KLF14: variants seen among roughly 807,000 people sequenced by gnomAD.
KLF14 encodes Krueppel-like factor 14.
A neutral mutation model predicts 16.2 loss-of-function variants in KLF14; 13 were observed. The ratio of observed to expected loss-of-function variants is 0.80; its 90% confidence interval spans 0.52 to 1.28. KLF14 has a LOEUF of 1.28. Among genes scored for constraint, KLF14 ranks in the 50% most tolerant of loss-of-function variants. The pLI, the probability that KLF14 is intolerant of heterozygous loss-of-function variation, is 0.00. For missense variants in KLF14, 571 were observed against 493.4 expected (o/e 1.16, Z -1.49); for synonymous variants, 276 against 233.7 (o/e 1.18, Z -1.65).
chr7:130,734,149 TCGCCGCCTGC>T lies in KLF14; in HGVS notation c.-126_-117del. The T allele has an allele frequency of 1.8e-6, 1 of 549,270 alleles. No homozygotes were observed. Among genetic ancestry groups the T allele is most frequent in the Non-Finnish European group, 2.4e-6 (1 of 413,664 alleles). The allele number at this position is 549,270 out of a possible 1,614,324, so 34.0% of individuals were successfully genotyped here. ...GAGCGAGAAGCAGGAGGCCGGGTGC[TCGCCGCCTGC>T]CGCCTGCTGCCGCCGCCGCCGCCGC... On this transcript the variant is annotated 5_prime_UTR_variant, in exon 1 of 1. Transcript: ENST00000583337. The surrounding 1 kb of genome is among the most constrained non-coding windows in gnomAD (Gnocchi z 4.4).
Position 130,733,884 on chromosome 7 carries a change from G to A in KLF14, c.150C>T (p.Ser50=), listed in dbSNP as rs782515154. 4.1e-4 allele frequency: 552 copies of A among 1,330,960 alleles called. 4 individuals carry two copies. The South Asian group carries it at 4.2e-3, about 10-fold the overall frequency. 82.4% of individuals were successfully genotyped at this position (1,330,960 alleles called of 1,614,324 possible). ...GSEVGAAPPE[S]ALPGPGPPGP... The stretch of plus-strand genomic sequence containing the variant: ...CCGGTGGCCCCGGACCCGGCAGAGC[G>A]GACTCCGGCGGCGCCGCACCCACCT... Residue 50 remains serine, a synonymous_variant, in exon 1 of 1, where the codon TCC becomes TCT. Transcript: ENST00000583337. The surrounding 1 kb of genome is among the most constrained non-coding windows in gnomAD (Gnocchi z 5.2).
chr7:130,734,162 C>T lies in KLF14; in HGVS notation c.-129G>A. On this transcript the variant is annotated 5_prime_UTR_variant, in exon 1 of 1. Coordinates refer to ENST00000583337, the MANE Select transcript of KLF14 (RefSeq NM_138693.4). The surrounding 1 kb of genome is among the most constrained non-coding windows in gnomAD (Gnocchi z 4.4). ...GAGGCCGGGTGCTCGCCGCCTGCCG[C>T]CTGCTGCCGCCGCCGCCGCCGCAGC... 2.5e-6 allele frequency: 1 copy of T among 395,396 alleles called. No individual in the cohort carries two copies. Among genetic ancestry groups the T allele is most frequent in the Non-Finnish European group, 3.5e-6 (1 of 283,748 alleles). 24.5% of individuals were successfully genotyped at this position (395,396 alleles called of 1,614,324 possible). A position where few individuals can be genotyped will look rare whatever the true frequency, so the allele number is the denominator to read the frequency against.
rs1293701678 is a variant in KLF14 at position 130,731,848 on chromosome 7, G to A, written c.*1214C>T. On this transcript the variant is annotated 3_prime_UTR_variant, in exon 1 of 1. Coordinates refer to ENST00000583337, the MANE Select transcript of KLF14 (RefSeq NM_138693.4). Reference sequence around the variant, plus strand: ...TTCTTATCGGGAAAGGGGCCCTGAGGATATAACTTGGAGGGACTATATGGT... The same window carrying A: ...TTCTTATCGGGAAAGGGGCCCTGAGAATATAACTTGGAGGGACTATATGGT... The A allele has an allele frequency of 1.3e-5, 2 of 152,162 alleles. No individual in the cohort carries two copies. Among genetic ancestry groups the A allele is most frequent in the Non-Finnish European group, 2.9e-5 (2 of 68,036 alleles). The allele number at this position is 152,162 out of a possible 1,614,324, so 9.4% of individuals were successfully genotyped here.
chr7:130,733,624 G>A lies in KLF14; in HGVS notation c.410C>T (p.Ala137Val), dbSNP rs1052511554. Reference sequence around the variant, plus strand: ...GGAGGAGCTCTCGGGAGCGCAGACCGCCGCGGCGCCGGAGGCGGGAGCCAG... The same window carrying A: ...GGAGGAGCTCTCGGGAGCGCAGACCACCGCGGCGCCGGAGGCGGGAGCCAG... ...SELAPASGAAAVCAPESSSDA... is the reference protein window; with the variant it reads ...SELAPASGAAVVCAPESSSDA... The change falls in exon 1 of 1, where the codon GCG (alanine) becomes GTG (valine). Residue 137 changes from alanine to valine, a missense_variant. Coordinates refer to ENST00000583337, the MANE Select transcript of KLF14 (RefSeq NM_138693.4). This position sits in a 1 kb window ranked among gnomAD's most constrained non-coding sequence, Gnocchi z 5.2. The A allele has an allele frequency of 5.0e-5, 77 of 1,538,962 alleles. No homozygotes were observed. Among genetic ancestry groups the A allele is most frequent in the Non-Finnish European group, 6.4e-5 (73 of 1,144,990 alleles).
chr7:130,733,319 A>G lies in KLF14; in HGVS notation c.715T>C (p.Ser239Pro), dbSNP rs1370159065. 5 of 1,608,762 alleles carry G rather than the reference A, an allele frequency of 3.1e-6. No homozygotes were observed. The highest frequency in any genetic ancestry group is 4.2e-6 in the Non-Finnish European group (5 of 1,178,448). ...WLDCDKKFTR[S>P]DELARHYRTH... ...CTGTAGTGGCGGGCCAGCTCGTCGG[A>G]ACGCGTAAACTTCTTGTCGCAGTCG... The change falls in exon 1 of 1, where the codon TCC becomes CCC. Residue 239 changes from serine (S) to proline (P), a missense_variant. Transcript: ENST00000583337. This position sits in a 1 kb window ranked among gnomAD's most constrained non-coding sequence, Gnocchi z 5.2.
rs1797189919 is a variant in KLF14 at position 130,731,715 on chromosome 7, G to A, written c.*1347C>T. 6.6e-6 allele frequency: 1 copy of A among 152,194 alleles called. No homozygotes were observed. Among genetic ancestry groups the A allele is most frequent in the African/African-American group, 2.4e-5 (1 of 41,400 alleles). 9.4% of individuals were successfully genotyped at this position (152,194 alleles called of 1,614,324 possible). ...CTTTCAGCCTCATCTCTAAAGAAAGGGTCACATATATACACATTCATACAT... is the reference window on the plus strand; with the variant it reads ...CTTTCAGCCTCATCTCTAAAGAAAGAGTCACATATATACACATTCATACAT... On this transcript the variant is annotated 3_prime_UTR_variant, in exon 1 of 1. Transcript: ENST00000583337.
Position 130,733,951 on chromosome 7 carries a change from C to T in KLF14, c.83G>A (p.Arg28His). Residue 28 changes from arginine (R) to histidine (H), a missense_variant, in exon 1 of 1, where the codon CGC becomes CAC. Arg to His is a conservative substitution (Grantham distance 29). Transcript: ENST00000583337. This position sits in a 1 kb window ranked among gnomAD's most constrained non-coding sequence, Gnocchi z 5.2. ...ACCCGCGCCCTCGGGGTCCGGCGGG[C>T]GGCGGTGAACCACGGCGCCCGCGGA... ...SMSAGAVVHR[R>H]PPDPEGAGGA... 1.5e-6 allele frequency: 2 copies of T among 1,365,924 alleles called. No individual in the cohort carries two copies. The highest frequency in any genetic ancestry group is 1.9e-6 in the Non-Finnish European group (2 of 1,055,748). The allele number at this position is 1,365,924 out of a possible 1,614,324, so 84.6% of individuals were successfully genotyped here.
rs782130822 is a variant in KLF14 at position 130,730,767 on chromosome 7, T to C, written c.*2295A>G. Among the ~76,000 whole-genome samples the C allele has an allele frequency of 6.6e-6, 1 of 152,212 alleles. No individual in the cohort carries two copies. The highest frequency in any genetic ancestry group is 1.5e-5 in the Non-Finnish European group (1 of 68,032). ...AAAAGCCAAGCTTTCTTGAAACCAA[T>C]TTCAGAATGGTTAGTGGAAATTCCT... On this transcript the variant is annotated 3_prime_UTR_variant, in exon 1 of 1. Transcript: ENST00000583337.
rs567528666 is a variant in KLF14 at position 130,734,200 on chromosome 7, C to T, written c.-167G>A. 2.5e-4 allele frequency: 53 copies of T among 215,354 alleles called. No individual in the cohort carries two copies. Among genetic ancestry groups the T allele is most frequent in the African/African-American group, 1.2e-3 (52 of 42,094 alleles). The allele number at this position is 215,354 out of a possible 1,614,324, so 13.3% of individuals were successfully genotyped here. ...CCGCCGCCGCAGCCGCCGCTGCCGC[C>T]GCCGCCCGCGCGGAGCCCGCCCCGC... is the stretch of plus-strand genomic sequence containing the variant. On this transcript the variant is annotated 5_prime_UTR_variant, in exon 1 of 1. Transcript: ENST00000583337. The surrounding 1 kb of genome is among the most constrained non-coding windows in gnomAD (Gnocchi z 4.4).
Position 130,734,194 on chromosome 7 carries a change from TGCCGCC to T in KLF14, c.-167_-162del. The T allele has an allele frequency of 8.9e-6, 2 of 225,722 alleles. No individual in the cohort carries two copies. The highest frequency in any genetic ancestry group is 1.5e-5 in the Non-Finnish European group (2 of 137,924). 14.0% of individuals were successfully genotyped at this position (225,722 alleles called of 1,614,324 possible). On this transcript the variant is annotated 5_prime_UTR_variant, in exon 1 of 1. Transcript: ENST00000583337. The surrounding 1 kb of genome is among the most constrained non-coding windows in gnomAD (Gnocchi z 4.4). Reference sequence around the variant, plus strand: ...CCGCCGCCGCCGCCGCAGCCGCCGCTGCCGCCGCCGCCCGCGCGGAGCCCGCCCCGC... The same window carrying T: ...CCGCCGCCGCCGCCGCAGCCGCCGCTGCCGCCCGCGCGGAGCCCGCCCCGC...
rs781843738 is a variant in KLF14 at position 130,733,374 on chromosome 7, C to T, written c.660G>A (p.Thr220=). The change falls in exon 1 of 1, where the codon ACG becomes ACA. Residue 220 remains threonine, a synonymous_variant. Coordinates refer to ENST00000583337, the MANE Select transcript of KLF14 (RefSeq NM_138693.4). The surrounding 1 kb of genome is among the most constrained non-coding windows in gnomAD (Gnocchi z 5.2). ...AGTCGCAGGAGAAAGGGCGCTCACC[C>T]GTGTGGGTGCGCTGGTGGGACTTGA... is the stretch of plus-strand genomic sequence containing the variant. ...SHLKSHQRTH[T]GERPFSCDWL... is the part of the protein sequence containing the mutation. 3.1e-6 allele frequency: 5 copies of T among 1,613,814 alleles called. No homozygotes were observed. In the African/African-American group the frequency reaches 6.7e-5, roughly 22 times the overall value.
rs1554470814 is a variant in KLF14 at position 130,733,218 on chromosome 7, C to T, written c.816G>A (p.Lys272=). 1 of 1,608,640 alleles carries T rather than the reference C, an allele frequency of 6.2e-7. No individual in the cohort carries two copies. Among genetic ancestry groups the T allele is most frequent in the African/African-American group, 1.3e-5 (1 of 74,952 alleles). The change falls in exon 1 of 1, where the codon AAG becomes AAA. Residue 272 remains lysine (K), a synonymous_variant. Transcript: ENST00000583337. The surrounding 1 kb of genome is among the most constrained non-coding windows in gnomAD (Gnocchi z 5.2). ...KQFSRSDHLT[K]HARRHPTYHP... ...GATAGGTTGGGTGGCGGCGAGCATG[C>T]TTGGTCAGGTGGTCGCTCCGGGAGA...
At position 130,733,489 on chromosome 7, in the gene KLF14, G is replaced by A. The variant is rs1326559347; in HGVS notation, c.545C>T (p.Ala182Val). ...AGGTGTGACAGACCTCCTCCGGGGCGCCTGATCCGCGGCGGGGGCGGGGCC... is the reference window on the plus strand; with the variant it reads ...AGGTGTGACAGACCTCCTCCGGGGCACCTGATCCGCGGCGGGGGCGGGGCC... ...GAGPAPAADQ[A>V]PRRRSVTPAA... The change falls in exon 1 of 1, where the codon GCG (alanine) becomes GTG (valine). Residue 182 changes from alanine to valine, a missense_variant. By Grantham distance (64) the Ala-to-Val change is moderately conservative. Coordinates refer to ENST00000583337, the MANE Select transcript of KLF14 (RefSeq NM_138693.4). The surrounding 1 kb of genome is among the most constrained non-coding windows in gnomAD (Gnocchi z 5.2). 1 of 1,607,868 alleles carries A rather than the reference G, an allele frequency of 6.2e-7. No individual in the cohort carries two copies. The highest frequency in any genetic ancestry group is 1.3e-5 in the African/African-American group (1 of 74,978).
chr7:130,733,453 C>T lies in KLF14; in HGVS notation c.581G>A (p.Arg194His). The T allele has an allele frequency of 6.2e-7, 1 of 1,613,604 alleles. No homozygotes were observed. The highest frequency in any genetic ancestry group is 1.1e-5 in the South Asian group (1 of 91,028). ...GCAGCCCGGGAAGGGGCATTGGTGG[C>T]GCTTGGCAGCAGGTGTGACAGACCT... is the stretch of plus-strand genomic sequence containing the variant. ...RRRSVTPAAK[R>H]HQCPFPGCTK... Residue 194 changes from arginine to histidine, a missense_variant, in exon 1 of 1, where the codon CGC (arginine) becomes CAC (histidine). Physicochemically the swap from Arg to His is conservative, Grantham distance 29. Transcript: ENST00000583337. The surrounding 1 kb of genome is among the most constrained non-coding windows in gnomAD (Gnocchi z 5.2).
Position 130,731,169 on chromosome 7 carries a change from A to C in KLF14, c.*1893T>G, listed in dbSNP as rs1797181990. ...CTCTCTTGAGGATGCTGGAATGCCCAGGACCAGAAAAAGAAGGGAATTCAC... is the reference window on the plus strand; with the variant it reads ...CTCTCTTGAGGATGCTGGAATGCCCCGGACCAGAAAAAGAAGGGAATTCAC... On this transcript the variant is annotated 3_prime_UTR_variant, in exon 1 of 1. Transcript: ENST00000583337. 6.6e-6 allele frequency: 1 copy of C among 152,310 alleles called. No individual in the cohort carries two copies. Among genetic ancestry groups the C allele is most frequent in the Non-Finnish European group, 1.5e-5 (1 of 68,120 alleles). The allele number at this position is 152,310 out of a possible 1,614,324, so 9.4% of individuals were successfully genotyped here.
At position 130,733,377 on chromosome 7, in the gene KLF14, G is replaced by T. The variant is rs782654793; in HGVS notation, c.657C>A (p.His219Gln). 6.2e-7 allele frequency: 1 copy of T among 1,614,168 alleles called. No homozygotes were observed. Among genetic ancestry groups the T allele is most frequent in the Non-Finnish European group, 8.5e-7 (1 of 1,180,014 alleles). The change falls in exon 1 of 1, where the codon CAC becomes CAA. Residue 219 changes from histidine to glutamine, a missense_variant. By Grantham distance (24) the His-to-Gln change is conservative. Coordinates refer to ENST00000583337, the MANE Select transcript of KLF14 (RefSeq NM_138693.4). The surrounding 1 kb of genome is among the most constrained non-coding windows in gnomAD (Gnocchi z 5.2). ...CGCAGGAGAAAGGGCGCTCACCCGT[G>T]TGGGTGCGCTGGTGGGACTTGAGGT... ...SSHLKSHQRT[H>Q]TGERPFSCDW... is the part of the protein sequence containing the mutation.
At position 130,731,651 on chromosome 7, in the gene KLF14, A is replaced by AGGAGGGGGCC. The variant is rs1445593421; in HGVS notation, c.*1401_*1410dup. The stretch of plus-strand genomic sequence containing the variant: ...AGTGATGGACTATTGCAAAATATTC[A>AGGAGGGGGCC]GGAGGGGGCCAGAGGGGATCTCCCA... On this transcript the variant is annotated 3_prime_UTR_variant, in exon 1 of 1. Coordinates refer to ENST00000583337, the MANE Select transcript of KLF14 (RefSeq NM_138693.4). The AGGAGGGGGCC allele has an allele frequency of 2.0e-5, 3 of 152,408 alleles. No homozygotes were observed. The highest frequency in any genetic ancestry group is 4.4e-5 in the Non-Finnish European group (3 of 68,236). 9.4% of individuals were successfully genotyped at this position (152,408 alleles called of 1,614,324 possible). A position where few individuals can be genotyped will look rare whatever the true frequency, so the allele number is the denominator to read the frequency against.
rs782620425 is a variant in KLF14, at chr7:130,733,318, G to A, written c.716C>T (p.Ser239Phe). 1.2e-6 allele frequency: 2 copies of A among 1,609,374 alleles called. No homozygotes were observed. Among genetic ancestry groups the A allele is most frequent in the Non-Finnish European group, 1.7e-6 (2 of 1,178,232 alleles). Residue 239 changes from serine to phenylalanine, a missense_variant, in exon 1 of 1, where the codon TCC becomes TTC. Physicochemically the swap from Ser to Phe is radical, Grantham distance 155. Transcript: ENST00000583337. This position sits in a 1 kb window ranked among gnomAD's most constrained non-coding sequence, Gnocchi z 5.2. ...CCTGTAGTGGCGGGCCAGCTCGTCG[G>A]AACGCGTAAACTTCTTGTCGCAGTC... ...WLDCDKKFTR[S>F]DELARHYRTH...
At position 130,732,981 on chromosome 7, in the gene KLF14, A is replaced by G. The variant is rs1797216810; in HGVS notation, c.*81T>C. 1 of 1,479,020 alleles carries G rather than the reference A, an allele frequency of 6.8e-7. No individual in the cohort carries two copies. The highest frequency in any genetic ancestry group is 9.0e-7 in the Non-Finnish European group (1 of 1,114,652). The allele number at this position is 1,479,020 out of a possible 1,614,324, so 91.6% of individuals were successfully genotyped here. ...TGTGCCTTGGTGTAATGACTCTGGGAAAGAAGGATGGGCAGAGAGAAAGCA... is the reference window on the plus strand; with the variant it reads ...TGTGCCTTGGTGTAATGACTCTGGGGAAGAAGGATGGGCAGAGAGAAAGCA... On this transcript the variant is annotated 3_prime_UTR_variant, in exon 1 of 1. Transcript: ENST00000583337.
Sources: gnomAD v4.1 joint callset for allele counts (sites outside exome capture counted in the v4.1 genomes callset) on GRCh38, gnomAD v4.1.1 for gene constraint, Gnocchi (gnomAD v3.1) non-coding constraint, MANE v1.5 for transcripts, NCBI Gene and HGNC (gene_info 2026-07-23, HGNC 2026-07-21) for gene names.